The following ARHGAP26 variants were observed in gnomAD, a reference collection of about 807,000 sequenced individuals.
ARHGAP26 encodes Rho GTPase activating protein 26, also known as rho GTPase-activating protein 26.
A neutral mutation model predicts 104.8 loss-of-function variants in ARHGAP26; 38 were observed. The observed-to-expected ratio is 0.36, with a 90% confidence interval of 0.28 to 0.48. The LOEUF is 0.48. Among genes scored for constraint, ARHGAP26 ranks in the 20% least tolerant of loss-of-function variants. The pLI is 0.99. For synonymous variants in ARHGAP26, 341 were observed against 340.0 expected, an observed-to-expected ratio of 1.00 and a Z score of -0.03; for missense variants, 704 against 947.9, an observed-to-expected ratio of 0.74 and a Z score of 3.38.
At chr5:142,929,481 T>C (rs778144002) in intron 10 of ARHGAP26, among the ~76,000 whole-genome samples, 1 of 152,316 alleles carries the variant, frequency 6.6e-6, no homozygotes, top group East Asian at 1.9e-4. Context: ...AAGAAAGTTA[T>C]TGTTTTACTC....
chr5:143,012,544 C>CATATATATATATAT (rs1562259165), intron 11 of ARHGAP26, among the ~76,000 whole-genome samples: 2 of 43,080 alleles, frequency 4.6e-5, no homozygotes, highest in Non-Finnish European at 1.2e-4. Context: ...TATTTATATA[C>CATATATATATATAT]ATACATACAT....
At chr5:143,094,203 T>A (rs1791939922) in intron 17 of ARHGAP26, among the ~76,000 whole-genome samples, 1 of 152,226 alleles carries the variant, frequency 6.6e-6, no homozygotes, top group South Asian at 2.1e-4. Context: ...AAGGAATGCT[T>A]TGCTGCGTGG....
chr5:142,859,320 T>G (rs1042153748), intron 1 of ARHGAP26, among the ~76,000 whole-genome samples: 7 of 152,148 alleles, frequency 4.6e-5, no homozygotes, highest in Non-Finnish European at 7.4e-5. Flanking sequence ...TCCCAGGGTA[T>G]TCCCGTGCCC....
intron 1 of ARHGAP26, among the ~76,000 whole-genome samples, chr5:142,799,899 T>G (rs1296727626): frequency 1.3e-5 from 2 of 152,292 alleles, no homozygotes; most frequent in Non-Finnish European, 2.9e-5. Context: ...ATTTCAAACA[T>G]GAGTTTTGGA....
At chr5:142,885,547 T>C (rs898804052) in intron 5 of ARHGAP26, 148 bp downstream of exon 5, 12 of 625,976 alleles carry the variant, frequency 1.9e-5, no homozygotes, top group African/African-American at 1.9e-4. Flanking sequence ...ATCCAGTGCC[T>C]GATGCCTGGA....
At chr5:143,140,033 T>C (rs1798331812) in intron 19 of ARHGAP26, among the ~76,000 whole-genome samples, 1 of 152,246 alleles carries the variant, frequency 6.6e-6, no homozygotes, top group Non-Finnish European at 1.5e-5. Flanking sequence ...CTTGGAACAG[T>C]GGTTCATAGA....
chr5:143,177,832 T>C (rs137938690), intron 20 of ARHGAP26, among the ~76,000 whole-genome samples: 31 of 152,122 alleles, frequency 2.0e-4, no homozygotes, highest in Non-Finnish European at 3.2e-4. Context: ...TCACTATTGT[T>C]TCCCCAGCAC....
chr5:142,955,282 C>G (rs960014837), intron 11 of ARHGAP26, among the ~76,000 whole-genome samples: 2 of 151,978 alleles, frequency 1.3e-5, no homozygotes, highest in East Asian at 3.9e-4. Flanking sequence ...GACTGGGCGA[C>G]AGAGTGAGAC....
At chr5:143,192,361 A>G (rs979885686) in intron 20 of ARHGAP26, 3 of 152,292 alleles carry the variant, frequency 2.0e-5, no homozygotes, top group Admixed American at 1.3e-4. Flanking sequence ...TGGAGGTGCA[A>G]AAGGTTAAAG....
chr5:143,040,071 C>T (rs1294979614), intron 13 of ARHGAP26, among the ~76,000 whole-genome samples: 2 of 152,194 alleles, frequency 1.3e-5, no homozygotes, highest in Middle Eastern at 3.4e-3. Flanking sequence ...TGACAATTGT[C>T]CAGTGGGAGG....
At chr5:143,182,012 A>T (rs1005881613) in intron 20 of ARHGAP26, among the ~76,000 whole-genome samples, 1 of 152,056 alleles carries the variant, frequency 6.6e-6, no homozygotes, top group Non-Finnish European at 1.5e-5. Flanking sequence ...TCCCCGTACA[A>T]AGCACATCCA....
chr5:142,946,258 C>T (rs915217832), intron 11 of ARHGAP26, among the ~76,000 whole-genome samples: 3 of 152,170 alleles, frequency 2.0e-5, no homozygotes, highest in African/African-American at 7.2e-5. Context: ...ATATATTCTT[C>T]CTTATACAGT....
chr5:142,808,974 A>G (rs1763561405), intron 1 of ARHGAP26, among the ~76,000 whole-genome samples: 1 of 152,218 alleles, frequency 6.6e-6, no homozygotes, highest in African/African-American at 2.4e-5. Flanking sequence ...CACCTTGCCC[A>G]TCAGATGGCT....
chr5:142,990,413 C>T lies in ARHGAP26; in HGVS notation c.1108-23667C>T, dbSNP rs541244235. Among the ~76,000 whole-genome samples the T allele has an allele frequency of 1.4e-4, 22 of 152,318 alleles. No individual in the cohort carries two copies. In the South Asian group the frequency reaches 4.1e-3, roughly 29 times the overall value. ...GATGGGTTCGAGCATCCTCCTTTAA[C>T]TCAGAGAAGTTTATTCTTACCGATC... is the stretch of plus-strand genomic sequence containing the variant. On this transcript the variant is annotated intron_variant, in intron 11 of 22. Coordinates refer to ENST00000645722, the MANE Select transcript of ARHGAP26 (RefSeq NM_001135608.3).
intron 20 of ARHGAP26, chr5:143,168,466 T>TTTTTTTTTTTTTTTTTTTTTTTC (rs1802337856): frequency 6.9e-6 from 1 of 144,326 alleles, no homozygotes; most frequent in Non-Finnish European, 1.5e-5. Context: ...TTTTTTTTTT[T>TTTTTTTTTTTTTTTTTTTTTTTC]TTTTTTTTTT....
intron 14 of ARHGAP26, among the ~76,000 whole-genome samples, chr5:143,053,439 A>G (rs923506502): frequency 2.0e-5 from 3 of 152,110 alleles, no homozygotes; most frequent in African/African-American, 7.2e-5. Context: ...GTGCACTGAA[A>G]AAGACTCTGT....
At chr5:142,991,029 G>A (rs978726128) in intron 11 of ARHGAP26, among the ~76,000 whole-genome samples, 4 of 152,234 alleles carry the variant, frequency 2.6e-5, no homozygotes, top group Non-Finnish European at 5.9e-5. Context: ...AGTTTCTGCT[G>A]CCTTTTTTTC....
intron 11 of ARHGAP26, among the ~76,000 whole-genome samples, chr5:142,950,886 T>G (rs1768227175): frequency 6.6e-6 from 1 of 152,226 alleles, no homozygotes; most frequent in African/African-American, 2.4e-5. Flanking sequence ...GTTACTCCTG[T>G]GGTGTGTTTC....
At chr5:143,014,207 C>T (rs1779279571) in intron 12 of ARHGAP26, 91 bp downstream of exon 12, 6 of 1,465,702 alleles carry the variant, frequency 4.1e-6, no homozygotes, top group South Asian at 3.4e-5. Flanking sequence ...CCAGGCGGTG[C>T]TGTGGGCGTG....
Sources: allele counts gnomAD v4.1 joint callset (sites outside exome capture counted in the v4.1 genomes callset), GRCh38; gene constraint gnomAD v4.1.1; transcripts MANE v1.5; gene names NCBI Gene and HGNC (gene_info 2026-07-23, HGNC 2026-07-21).